Variants in CAMK1D observed in about 807,000 individuals in gnomAD.
CAMK1D encodes the protein calcium/calmodulin dependent protein kinase ID, also known as calcium/calmodulin-dependent protein kinase type 1D.
CAMK1D carries 9 observed loss-of-function variants against 47.7 expected under a neutral mutation model. That is an observed-to-expected ratio of 0.19 (90% CI 0.11 to 0.33). CAMK1D has a LOEUF of 0.33. CAMK1D is among the 10% of genes least tolerant of loss of function. The pLI is 1.00. For missense variants in CAMK1D, 291 were observed against 488.7 expected (o/e 0.60, Z 3.81); for synonymous variants, 184 against 184.9 (o/e 0.99, Z 0.04).
At chr10:12,544,131 A>C (rs1052490982) in intron 1 of CAMK1D, among the ~76,000 whole-genome samples, 7 of 152,226 alleles carry the variant, frequency 4.6e-5, no homozygotes, top group Non-Finnish European at 8.8e-5. Flanking sequence ...GAAGGATTCA[A>C]CTTTTGCAAT....
At chr10:12,374,638 C>A (rs1259195005) in intron 1 of CAMK1D, among the ~76,000 whole-genome samples, 1 of 152,112 alleles carries the variant, frequency 6.6e-6, no homozygotes, top group Non-Finnish European at 1.5e-5. Flanking sequence ...CTATATTTTT[C>A]TTTTTTTAGA....
intron 1 of CAMK1D, among the ~76,000 whole-genome samples, chr10:12,524,245 G>A (rs187150343): frequency 9.9e-4 from 150 of 151,912 alleles, no homozygotes; most frequent in African/African-American, 3.5e-3. Context: ...AATTACAGGC[G>A]TGAGCCACTG....
rs189304274 is a variant in CAMK1D, at chr10:12,465,929, C to T, written c.93-87296C>T. On this transcript the variant is annotated intron_variant, in intron 1 of 10. Coordinates refer to ENST00000619168, the MANE Select transcript of CAMK1D (RefSeq NM_153498.4). ...CTGCTAGAAGCAGATAGGAAGAGGCCAGAAAAAGACTGAAATGATCATAAA... is the reference window on the plus strand; with the variant it reads ...CTGCTAGAAGCAGATAGGAAGAGGCTAGAAAAAGACTGAAATGATCATAAA... Among the ~76,000 whole-genome samples the T allele has an allele frequency of 4.3e-3, 651 of 152,208 alleles. 5 individuals carry two copies. Among genetic ancestry groups the T allele is most frequent in the African/African-American group, 0.015 (609 of 41,520 alleles).
chr10:12,716,134 G>T (rs113896739), intron 3 of CAMK1D, among the ~76,000 whole-genome samples: 1,791 of 152,146 alleles, frequency 0.012, 25 homozygotes, highest in African/African-American at 0.04. Flanking sequence ...CCTTCCTGGC[G>T]CCTCTATGAT....
At chr10:12,694,039 TAC>T in intron 3 of CAMK1D, among the ~76,000 whole-genome samples, 2 of 67,140 alleles carry the variant, frequency 3.0e-5, no homozygotes, top group Non-Finnish European at 5.1e-5. Flanking sequence ...ATATAAAATA[TAC>T]ATATAATATA....
intron 3 of CAMK1D, among the ~76,000 whole-genome samples, chr10:12,720,697 GA>G (rs1173658531): frequency 6.6e-6 from 1 of 152,120 alleles, no homozygotes; most frequent in Non-Finnish European, 1.5e-5. Flanking sequence ...TTTTGAGATT[GA>G]AACTACAAGA....
At chr10:12,481,430 T>C (rs974698913) in intron 1 of CAMK1D, among the ~76,000 whole-genome samples, 1 of 152,114 alleles carries the variant, frequency 6.6e-6, no homozygotes, top group African/African-American at 2.4e-5. Context: ...CAAACTATCT[T>C]TGAAAAACCG....
At chr10:12,752,184 T>C (rs1158183948) in intron 3 of CAMK1D, among the ~76,000 whole-genome samples, 1 of 152,090 alleles carries the variant, frequency 6.6e-6, no homozygotes, top group African/African-American at 2.4e-5. Flanking sequence ...GATTTCACCA[T>C]GTTGGCCAGT....
rs974697934 is a variant in CAMK1D at position 12,834,474 on chromosome 10, C to T, written c.*5587C>T. ...AGCCAAACGCTCAGCATGCGGCTGC[C>T]GAGTCTGGTTTTGTGGACAAAGCAA... On this transcript the variant is annotated 3_prime_UTR_variant, in exon 11 of 11. Transcript: ENST00000619168. 6.6e-6 allele frequency: 1 copy of T among 151,648 alleles called. No homozygotes were observed. Among genetic ancestry groups the T allele is most frequent in the Non-Finnish European group, 1.5e-5 (1 of 67,998 alleles). The allele number at this position is 151,648 out of a possible 1,614,324, so 9.4% of individuals were successfully genotyped here. A position where few individuals can be genotyped will look rare whatever the true frequency, so the allele number is the denominator to read the frequency against.
intron 2 of CAMK1D, among the ~76,000 whole-genome samples, chr10:12,583,583 T>C (rs1328291664): frequency 6.6e-6 from 1 of 151,112 alleles, no homozygotes; most frequent in Non-Finnish European, 1.5e-5. Context: ...TGGTTTTGTG[T>C]GTGTTTTGTT....
Position 12,690,907 on chromosome 10 carries a change from C to T in CAMK1D, c.299+24097C>T, listed in dbSNP as rs144787990. Reference sequence around the variant, plus strand: ...TTGTGGCACTTAGTAACACGGGATACGTGACCAACCCCTCACCCTGTTATG... The same window carrying T: ...TTGTGGCACTTAGTAACACGGGATATGTGACCAACCCCTCACCCTGTTATG... On this transcript the variant is annotated intron_variant, in intron 3 of 10. Coordinates refer to ENST00000619168, the MANE Select transcript of CAMK1D (RefSeq NM_153498.4). Among the ~76,000 whole-genome samples, 344 of 152,214 alleles carry T rather than the reference C, an allele frequency of 2.3e-3. 1 individual carries two copies. The highest frequency in any genetic ancestry group is 7.6e-3 in the African/African-American group (317 of 41,506).
At chr10:12,707,955 TC>T (rs1833790800) in intron 3 of CAMK1D, among the ~76,000 whole-genome samples, 1 of 152,018 alleles carries the variant, frequency 6.6e-6, no homozygotes, top group Admixed American at 6.6e-5. Context: ...GTAAATGGGA[TC>T]CCCCCTCTGC....
intron 2 of CAMK1D, among the ~76,000 whole-genome samples, chr10:12,656,600 A>G (rs1223757277): frequency 6.6e-6 from 1 of 152,264 alleles, no homozygotes; most frequent in East Asian, 1.9e-4. Context: ...CACAATCAGT[A>G]TCAACATGTA....
chr10:12,672,901 T>TTTTTTTTTTTTTTTTTTTTTTTTTTG, intron 3 of CAMK1D, among the ~76,000 whole-genome samples: 1 of 147,062 alleles, frequency 6.8e-6, no homozygotes, highest in Non-Finnish European at 1.5e-5. Flanking sequence ...CTTGCCTTTT[T>TTTTTTTTTTTTTTTTTTTTTTTTTTG]TTTTTTTTTT....
intron 6 of CAMK1D, among the ~76,000 whole-genome samples, chr10:12,802,900 G>A (rs1313975076): frequency 3.3e-5 from 5 of 152,170 alleles, no homozygotes; most frequent in Admixed American, 6.5e-5. Context: ...AATCATGACC[G>A]TCTGACTGCA....
chr10:12,426,337 C>T (rs1167452279), intron 1 of CAMK1D, among the ~76,000 whole-genome samples: 3 of 152,122 alleles, frequency 2.0e-5, no homozygotes, highest in Non-Finnish European at 2.9e-5. Flanking sequence ...ACGTCCACCT[C>T]CCAGGTTCAA....
intron 1 of CAMK1D, among the ~76,000 whole-genome samples, chr10:12,414,499 A>G (rs1468146299): frequency 2.0e-5 from 3 of 152,082 alleles, no homozygotes; most frequent in African/African-American, 7.2e-5. Flanking sequence ...TCGTGTCTGA[A>G]TTTCTCATAG....
At chr10:12,487,774 TG>T (rs1433568600) in intron 1 of CAMK1D, among the ~76,000 whole-genome samples, 2 of 152,266 alleles carry the variant, frequency 1.3e-5, no homozygotes, top group African/African-American at 4.8e-5. Flanking sequence ...AGCAGAATGT[TG>T]GTTCTCTGTA....
At chr10:12,505,867 C>T (rs1174390182) in intron 1 of CAMK1D, among the ~76,000 whole-genome samples, 1 of 152,036 alleles carries the variant, frequency 6.6e-6, no homozygotes, top group Non-Finnish European at 1.5e-5. Flanking sequence ...TCTTCCTCCT[C>T]CTCCTCCTCC....
Sources: gnomAD v4.1 joint callset for allele counts (sites outside exome capture counted in the v4.1 genomes callset) on GRCh38, gnomAD v4.1.1 for gene constraint, MANE v1.5 for transcripts, NCBI Gene and HGNC (gene_info 2026-07-23, HGNC 2026-07-21) for gene names.